MTMR12: variants seen among roughly 807,000 people sequenced by gnomAD.
The protein encoded by MTMR12 is myotubularin-related protein 12.
In MTMR12, 33 loss-of-function variants were observed where a neutral mutation model predicts 96.7. The ratio of observed to expected loss-of-function variants is 0.34; its 90% CI spans 0.26 to 0.46. MTMR12 has a LOEUF of 0.46. MTMR12 is among the 20% of genes least tolerant of loss of function. The probability of loss-of-function intolerance (pLI) is 1.00; values close to 1 mark genes in which losing one functional copy is unlikely to be tolerated. For synonymous variants in MTMR12, 298 were observed against 327.2 expected (o/e 0.91, Z 0.96); for missense variants, 721 against 896.1 (o/e 0.80, Z 2.49).
intron 7 of MTMR12, among the ~76,000 whole-genome samples, chr5:32,258,041 C>T (rs530471815): frequency 2.0e-5 from 3 of 151,896 alleles, no homozygotes; most frequent in African/African-American, 4.8e-5. Context: ...GTGGAAGAAT[C>T]GCTTGAGCCC....
intron 2 of MTMR12, among the ~76,000 whole-genome samples, chr5:32,276,462 G>A (rs1238606426): frequency 6.6e-6 from 1 of 152,196 alleles, no homozygotes; most frequent in Admixed American, 6.5e-5. Flanking sequence ...TCATCAGTTT[G>A]GGGGAAGAGG....
At chr5:32,269,005 C>T (rs1237521692) in intron 5 of MTMR12, among the ~76,000 whole-genome samples, 1 of 151,394 alleles carries the variant, frequency 6.6e-6, no homozygotes, top group Non-Finnish European at 1.5e-5. Context: ...GGTTTTCTTT[C>T]TTTTTTAAAA....
chr5:32,297,066 GC>G (rs1481862008), intron 1 of MTMR12, among the ~76,000 whole-genome samples: 1 of 149,380 alleles, frequency 6.7e-6, no homozygotes, highest in East Asian at 2.0e-4. Flanking sequence ...TCGCGCCACT[GC>G]ACTCCAGCCT....
chr5:32,271,725 A>G, intron 4 of MTMR12, 108 bp downstream of exon 4: 1 of 594,948 alleles, frequency 1.7e-6, no homozygotes, highest in Non-Finnish European at 2.7e-6. Context: ...ACAAGATGAT[A>G]TATGTGAAAA....
chr5:32,275,175 G>T (rs1297116109), intron 2 of MTMR12, among the ~76,000 whole-genome samples: 2 of 152,110 alleles, frequency 1.3e-5, no homozygotes, highest in Non-Finnish European at 2.9e-5. Context: ...CAAATATTAT[G>T]GTGCTGTTCT....
intron 1 of MTMR12, among the ~76,000 whole-genome samples, chr5:32,294,527 C>T (rs1162162143): frequency 6.6e-6 from 1 of 152,060 alleles, no homozygotes; most frequent in Non-Finnish European, 1.5e-5. Flanking sequence ...TCTTGAACTC[C>T]TTACCTCCAG....
chr5:32,242,213 T>C (rs1198170962), intron 11 of MTMR12, 86 bp from the exon 12 acceptor site: 2 of 915,432 alleles, frequency 2.2e-6, no homozygotes, highest in Non-Finnish European at 3.3e-6. Flanking sequence ...GAGTCTGACT[T>C]GATCTTCAGT....
chr5:32,268,803 G>C lies in MTMR12; in HGVS notation c.490-9C>G. ...ATTATGCCACTGACAATCTAAAAAA[G>C]AATCGAACAATGGATATAGTTATGG... On this transcript the variant is annotated splice_polypyrimidine_tract_variant and intron_variant, in intron 5 of 15. Coordinates refer to ENST00000382142, the MANE Select transcript of MTMR12 (RefSeq NM_001040446.3). The C allele has an allele frequency of 6.3e-7, 1 of 1,599,334 alleles. No individual in the cohort carries two copies. The highest frequency in any genetic ancestry group is 8.6e-7 in the Non-Finnish European group (1 of 1,166,644).
intron 15 of MTMR12, among the ~76,000 whole-genome samples, chr5:32,231,827 C>T (rs1002269520): frequency 6.6e-6 from 1 of 152,214 alleles, no homozygotes; most frequent in Non-Finnish European, 1.5e-5. Flanking sequence ...TGAACCACCA[C>T]CCAGTGCTTC....
intron 7 of MTMR12, among the ~76,000 whole-genome samples, chr5:32,261,665 G>C (rs1392536566): frequency 6.6e-6 from 1 of 152,224 alleles, no homozygotes; most frequent in Non-Finnish European, 1.5e-5. Flanking sequence ...CAAGAGGGCA[G>C]AGGTTTTCAG....
intron 6 of MTMR12, 134 bp from the exon 7 acceptor site, chr5:32,263,376 C>T: frequency 3.9e-6 from 4 of 1,038,760 alleles, no homozygotes; most frequent in East Asian, 2.6e-5. Flanking sequence ...GAATTGATTG[C>T]TTAATCCTAA....
Position 32,229,559 on chromosome 5 carries a change from T to A in MTMR12, c.*219A>T. Reference sequence around the variant, plus strand: ...ACCCTATTACGGGTCAAGTAATAATTCCTTCCAATTAGTAATACTACAGAT... The same window carrying A: ...ACCCTATTACGGGTCAAGTAATAATACCTTCCAATTAGTAATACTACAGAT... On this transcript the variant is annotated 3_prime_UTR_variant, in exon 16 of 16. Coordinates refer to ENST00000382142, the MANE Select transcript of MTMR12 (RefSeq NM_001040446.3). 2.4e-6 allele frequency: 1 copy of A among 413,862 alleles called. No homozygotes were observed. The highest frequency in any genetic ancestry group is 4.2e-6 in the Non-Finnish European group (1 of 240,596). 25.6% of individuals were successfully genotyped at this position (413,862 alleles called of 1,614,324 possible).
intron 14 of MTMR12, among the ~76,000 whole-genome samples, chr5:32,234,514 G>A (rs148828135): frequency 2.3e-3 from 352 of 152,322 alleles, no homozygotes; most frequent in African/African-American, 8.2e-3. Context: ...AGGCAAAATC[G>A]GAGGACATCT....
At chr5:32,278,805 T>C (rs1332460426) in intron 1 of MTMR12, among the ~76,000 whole-genome samples, 1 of 151,998 alleles carries the variant, frequency 6.6e-6, no homozygotes, top group Non-Finnish European at 1.5e-5. Flanking sequence ...TGGCCAGGTG[T>C]GGTGGCTCAC....
chr5:32,284,382 T>C (rs1373279621), intron 1 of MTMR12, among the ~76,000 whole-genome samples: 1 of 150,996 alleles, frequency 6.6e-6, no homozygotes, highest in Non-Finnish European at 1.5e-5. Context: ...CTAATATGGA[T>C]GGCATCACCA....
At chr5:32,256,907 A>C (rs1025762224) in intron 7 of MTMR12, among the ~76,000 whole-genome samples, 2 of 152,234 alleles carry the variant, frequency 1.3e-5, no homozygotes, top group African/African-American at 4.8e-5. Context: ...TAGATGAAGC[A>C]ATTTAACAAA....
rs1225375551 is a variant in MTMR12 at position 32,246,789 on chromosome 5, C to T, written c.1021+1213G>A. Among the ~76,000 whole-genome samples the T allele has an allele frequency of 2.0e-5, 3 of 152,096 alleles. No homozygotes were observed. In the East Asian group the frequency reaches 5.8e-4, roughly 29 times the overall value. ...ACCATAAATTCAATATTTGTTTTTG[C>T]TTCAATTTCAGCAGAATTCATGTTG... On this transcript the variant is annotated intron_variant, in intron 10 of 15. Transcript: ENST00000382142.
At chr5:32,295,842 T>C (rs908055667) in intron 1 of MTMR12, among the ~76,000 whole-genome samples, 2 of 152,208 alleles carry the variant, frequency 1.3e-5, no homozygotes, top group Non-Finnish European at 2.9e-5. Flanking sequence ...TTTTGAACTT[T>C]AAACTCTGTC....
chr5:32,264,946 C>T (rs1243399908), intron 6 of MTMR12, among the ~76,000 whole-genome samples: 1 of 151,698 alleles, frequency 6.6e-6, no homozygotes, highest in Non-Finnish European at 1.5e-5. Flanking sequence ...CCATAAAGTT[C>T]TAATCCTGCC....
Sources: allele counts gnomAD v4.1 joint callset (sites outside exome capture counted in the v4.1 genomes callset), GRCh38; gene constraint gnomAD v4.1.1; transcripts MANE v1.5; gene names NCBI Gene and HGNC (gene_info 2026-07-23, HGNC 2026-07-21).